The following NCKAP5 variants were observed in gnomAD, a reference collection of about 807,000 sequenced individuals.
NCKAP5 encodes the protein nck-associated protein 5.
In NCKAP5, 92 loss-of-function variants were observed where a neutral mutation model predicts 167.0. That is an observed-to-expected ratio of 0.55 (90% CI 0.47 to 0.66). The LOEUF is 0.66. Among genes scored for constraint, NCKAP5 ranks in the 30% least tolerant of loss-of-function variants. NCKAP5 has a pLI of 0.00. For missense variants in NCKAP5, 2,378 were observed against 2,315.0 expected (o/e 1.03, Z -0.56); for synonymous variants, 891 against 877.4 (o/e 1.02, Z -0.27).
chr2:133,073,559 C>G (rs1240531919), intron 6 of NCKAP5, among the ~76,000 whole-genome samples: 7 of 152,160 alleles, frequency 4.6e-5, no homozygotes, highest in Non-Finnish European at 1.0e-4. Flanking sequence ...CCACAGCTCA[C>G]AGAAGGGAAG....
At chr2:133,629,917 T>C in the NCKAP5 span, among the ~76,000 whole-genome samples, 1 of 151,696 alleles carries the variant, frequency 6.6e-6, no homozygotes, top group Middle Eastern at 3.4e-3. Context: ...TTATTATAAG[T>C]GGGAGCTGAA....
chr2:132,738,318 A>T (rs868380597), intron 16 of NCKAP5, among the ~76,000 whole-genome samples: 4 of 152,190 alleles, frequency 2.6e-5, no homozygotes, highest in Non-Finnish European at 5.9e-5. Context: ...CATCCTCCTC[A>T]GTCCCTGTGC....
At chr2:133,549,038 A>G (rs1417550489) in intron 2 of NCKAP5, among the ~76,000 whole-genome samples, 3 of 151,840 alleles carry the variant, frequency 2.0e-5, no homozygotes, top group African/African-American at 7.3e-5. Context: ...AGGAAGATCT[A>G]CCAAGCAAAT....
intron 6 of NCKAP5, among the ~76,000 whole-genome samples, chr2:133,013,433 A>C (rs141130230): frequency 6.6e-6 from 1 of 152,358 alleles, no homozygotes; most frequent in Non-Finnish European, 1.5e-5. Context: ...TCATGGTGGA[A>C]GGTGAAAGGC....
the NCKAP5 span, among the ~76,000 whole-genome samples, chr2:133,666,216 A>C: frequency 1.2e-5 from 1 of 84,714 alleles, no homozygotes; most frequent in Non-Finnish European, 2.1e-5. Flanking sequence ...TTTGTTGTTG[A>C]GACTGAGTCT....
chr2:133,296,395 G>A (rs1011113742), intron 4 of NCKAP5, among the ~76,000 whole-genome samples: 1 of 150,858 alleles, frequency 6.6e-6, no homozygotes, highest in African/African-American at 2.4e-5. Context: ...GAATCTCGGA[G>A]GAGGCTGATT....
At chr2:133,187,497 A>G (rs2084999331) in intron 5 of NCKAP5, among the ~76,000 whole-genome samples, 2 of 152,062 alleles carry the variant, frequency 1.3e-5, no homozygotes, top group African/African-American at 4.8e-5. Context: ...TGAGACCCAC[A>G]TGGGCAAATT....
In NCKAP5 at chr2:133,106,000, C is replaced by T. The variant is rs559953351; in HGVS notation, c.341+23978G>A. On this transcript the variant is annotated intron_variant, in intron 6 of 19. Transcript: ENST00000409261. ...GACCCATCCTCCTTCTACCTAAACCCGTCCCTCCTTTGGAAGCTCTCTTCT... is the reference window on the plus strand; with the variant it reads ...GACCCATCCTCCTTCTACCTAAACCTGTCCCTCCTTTGGAAGCTCTCTTCT... Among the ~76,000 whole-genome samples, 15 of 152,148 alleles carry T rather than the reference C, an allele frequency of 9.9e-5. No homozygotes were observed. The East Asian group carries it at 1.7e-3, about 18-fold the overall frequency.
At chr2:133,149,281 T>C (rs1463853074) in intron 5 of NCKAP5, among the ~76,000 whole-genome samples, 1 of 152,156 alleles carries the variant, frequency 6.6e-6, no homozygotes, top group African/African-American at 2.4e-5. Flanking sequence ...TTGCCACATT[T>C]CTCTATATTT....
chr2:132,733,717 C>T (rs1558986365), intron 16 of NCKAP5, among the ~76,000 whole-genome samples: 1 of 152,344 alleles, frequency 6.6e-6, no homozygotes, highest in East Asian at 1.9e-4. Context: ...ACTATCCAAA[C>T]TTCAGAATTT....
At chr2:133,451,814 A>G (rs1371583711) in intron 3 of NCKAP5, among the ~76,000 whole-genome samples, 1 of 152,200 alleles carries the variant, frequency 6.6e-6, no homozygotes. Flanking sequence ...TTGCAAATGT[A>G]TACTTGATGA....
the NCKAP5 span, among the ~76,000 whole-genome samples, chr2:133,660,204 G>T: frequency 6.6e-6 from 1 of 152,134 alleles, no homozygotes; most frequent in African/African-American, 2.4e-5. Flanking sequence ...TTTCCCTTCA[G>T]TCAAAATGCA....
the NCKAP5 span, among the ~76,000 whole-genome samples, chr2:133,640,502 AAC>A: frequency 6.6e-6 from 1 of 152,326 alleles, no homozygotes; most frequent in East Asian, 1.9e-4. Context: ...GGTGAACTAT[AAC>A]AGTCTCCTTT....
the NCKAP5 span, among the ~76,000 whole-genome samples, chr2:133,634,908 C>A: frequency 6.6e-6 from 1 of 151,424 alleles, no homozygotes; most frequent in Non-Finnish European, 1.5e-5. Context: ...CACTCTGTCA[C>A]CCAGGTTGGA....
intron 19 of NCKAP5, among the ~76,000 whole-genome samples, chr2:132,674,486 C>G (rs2104968148): frequency 6.6e-6 from 1 of 152,310 alleles, no homozygotes; most frequent in Non-Finnish European, 1.5e-5. Flanking sequence ...GTCCTGTTTT[C>G]CATTTTGTTA....
At chr2:132,701,630 T>C (rs995730617) in intron 19 of NCKAP5, among the ~76,000 whole-genome samples, 1 of 152,166 alleles carries the variant, frequency 6.6e-6, no homozygotes, top group African/African-American at 2.4e-5. Flanking sequence ...TTGGCAAACA[T>C]TTGGCAAACC....
intron 16 of NCKAP5, among the ~76,000 whole-genome samples, chr2:132,748,569 G>A (rs189989458): frequency 2.6e-5 from 4 of 152,256 alleles, no homozygotes; most frequent in Non-Finnish European, 5.9e-5. Flanking sequence ...TGCAGAAGCC[G>A]GAATTCAAAG....
At chr2:132,830,269 G>A (rs1184622484) in intron 11 of NCKAP5, among the ~76,000 whole-genome samples, 8 of 152,002 alleles carry the variant, frequency 5.3e-5, no homozygotes, top group African/African-American at 1.9e-4. Context: ...TATCCAAAAA[G>A]TTCTTGTAAA....
intron 4 of NCKAP5, among the ~76,000 whole-genome samples, chr2:133,250,269 G>C (rs1293310379): frequency 6.6e-6 from 1 of 152,094 alleles, no homozygotes; most frequent in East Asian, 1.9e-4. Flanking sequence ...GGCAGCCAGG[G>C]AACAGCCCAG....
Sources: allele counts gnomAD v4.1 joint callset (sites outside exome capture counted in the v4.1 genomes callset), GRCh38; gene constraint gnomAD v4.1.1; transcripts MANE v1.5; gene names NCBI Gene and HGNC (gene_info 2026-07-23, HGNC 2026-07-21).